Variants in KIAA1549 observed in about 807,000 individuals in gnomAD.
The protein encoded by KIAA1549 is KIAA1549.
KIAA1549 carries 70 observed loss-of-function variants against 156.4 expected under a neutral mutation model. The observed-to-expected ratio is 0.45, with a 90% CI of 0.37 to 0.55. KIAA1549 has a LOEUF of 0.55. Among genes scored for constraint, KIAA1549 ranks in the 20% least tolerant of loss-of-function variants. The pLI is 0.00. For missense variants in KIAA1549, 2,428 were observed against 2,540.9 expected, an observed-to-expected ratio of 0.96 and a Z score of 0.96; for synonymous variants, 1,103 against 1,066.4, an observed-to-expected ratio of 1.03 and a Z score of -0.67.
intron 15 of KIAA1549, among the ~76,000 whole-genome samples, chr7:138,866,709 G>A (rs1281307631): frequency 1.3e-5 from 2 of 152,210 alleles, no homozygotes; most frequent in African/African-American, 2.4e-5. Context: ...CCTACTCAAT[G>A]CAGTCTGTGT....
At chr7:138,923,903 G>C (rs1812636148) in intron 1 of KIAA1549, among the ~76,000 whole-genome samples, 1 of 152,186 alleles carries the variant, frequency 6.6e-6, no homozygotes, top group South Asian at 2.1e-4. Context: ...GCATCTGAAA[G>C]TCACCAACTT....
intron 1 of KIAA1549, among the ~76,000 whole-genome samples, chr7:138,971,474 T>C (rs1206304563): frequency 1.3e-5 from 2 of 152,096 alleles, no homozygotes; most frequent in African/African-American, 4.8e-5. Flanking sequence ...TCTGCCTCCC[T>C]TTCCAACCCC....
At chr7:138,899,716 A>G (rs1012526218) in intron 8 of KIAA1549, among the ~76,000 whole-genome samples, 1 of 152,030 alleles carries the variant, frequency 6.6e-6, no homozygotes. Flanking sequence ...TACAACCAAA[A>G]ACATCCCCAG....
At chr7:138,869,924 G>C (rs187636359) in intron 13 of KIAA1549, among the ~76,000 whole-genome samples, 163 bp from the exon 14 acceptor site, 1 of 152,122 alleles carries the variant, frequency 6.6e-6, no homozygotes, top group Non-Finnish European at 1.5e-5. Context: ...ATCTCAGCTC[G>C]CTGCAACCTC....
intron 18 of KIAA1549, among the ~76,000 whole-genome samples, chr7:138,842,918 G>A (rs570387642): frequency 5.3e-5 from 8 of 152,212 alleles, no homozygotes; most frequent in South Asian, 4.1e-4. Context: ...AAATAATGCC[G>A]TGATAAATAT....
At chr7:138,854,055 G>A (rs1279398384) in intron 16 of KIAA1549, among the ~76,000 whole-genome samples, 1 of 152,062 alleles carries the variant, frequency 6.6e-6, no homozygotes, top group Non-Finnish European at 1.5e-5. Context: ...GGGACTACAT[G>A]CCCTGATGAA....
chr7:138,895,914 C>T (rs1811670935), intron 9 of KIAA1549, among the ~76,000 whole-genome samples: 1 of 152,080 alleles, frequency 6.6e-6, no homozygotes, highest in Non-Finnish European at 1.5e-5. Context: ...TCCACTTTTA[C>T]ACGAAGCATA....
At position 138,832,435 on chromosome 7, in the gene KIAA1549, G is replaced by A; in HGVS notation, c.*5471C>T. The A allele has an allele frequency of 5.2e-6, 1 of 191,872 alleles. No individual in the cohort carries two copies. Among genetic ancestry groups the A allele is most frequent in the Non-Finnish European group, 1.1e-5 (1 of 91,706 alleles). 11.9% of individuals were successfully genotyped at this position (191,872 alleles called of 1,614,324 possible). A position where few individuals can be genotyped will look rare whatever the true frequency, so the allele number is the denominator to read the frequency against. On this transcript the variant is annotated 3_prime_UTR_variant, in exon 20 of 20. Coordinates refer to ENST00000422774, the MANE Select transcript of KIAA1549 (RefSeq NM_001164665.2). ...GGTGGTCTCAAACTCCTGGCCTCAA[G>A]CGATCCTCCTGCCTCAGCCTCCCAA...
intron 1 of KIAA1549, among the ~76,000 whole-genome samples, chr7:138,952,361 T>C (rs572216462): frequency 3.9e-5 from 6 of 152,136 alleles, no homozygotes; most frequent in Non-Finnish European, 5.9e-5. Context: ...ATCAAAGAAA[T>C]CAGGCTAAGG....
intron 16 of KIAA1549, among the ~76,000 whole-genome samples, chr7:138,856,891 G>C (rs972183605): frequency 3.3e-5 from 5 of 152,164 alleles, no homozygotes; most frequent in Admixed American, 6.5e-5. Context: ...GGACAGTAAG[G>C]CAGCCCTCCC....
chr7:138,906,827 C>T, intron 6 of KIAA1549, 92 bp downstream of exon 6: 2 of 1,011,342 alleles, frequency 2.0e-6, no homozygotes. Context: ...AAAATCAAGT[C>T]TTTTAAAAAA....
chr7:138,929,610 G>A (rs575006986), intron 1 of KIAA1549, among the ~76,000 whole-genome samples: 4 of 152,200 alleles, frequency 2.6e-5, no homozygotes, highest in African/African-American at 7.2e-5. Flanking sequence ...TGTTCTTGAC[G>A]TACTTTTCTC....
chr7:138,930,901 G>A (rs1239007000), intron 1 of KIAA1549, among the ~76,000 whole-genome samples: 1 of 152,156 alleles, frequency 6.6e-6, no homozygotes, highest in East Asian at 1.9e-4. Context: ...GGCTTTTGAT[G>A]TGTCTTCCTC....
intron 15 of KIAA1549, among the ~76,000 whole-genome samples, chr7:138,865,679 G>A (rs1033978049): frequency 1.3e-5 from 2 of 152,196 alleles, no homozygotes; most frequent in Non-Finnish European, 2.9e-5. Flanking sequence ...CCCACAGGAG[G>A]AGGAATCCCT....
chr7:138,949,401 G>A (rs866687520), intron 1 of KIAA1549, among the ~76,000 whole-genome samples: 6 of 152,030 alleles, frequency 3.9e-5, no homozygotes, highest in African/African-American at 9.7e-5. Flanking sequence ...GGATAGACCC[G>A]CATATTAGGT....
intron 1 of KIAA1549, among the ~76,000 whole-genome samples, chr7:138,978,362 T>C (rs1563101527): frequency 6.6e-6 from 1 of 152,224 alleles, no homozygotes; most frequent in Non-Finnish European, 1.5e-5. Context: ...AAACTGGGCA[T>C]GATTCTTTGT....
At chr7:138,927,457 G>A (rs1277381536) in intron 1 of KIAA1549, among the ~76,000 whole-genome samples, 1 of 152,216 alleles carries the variant, frequency 6.6e-6, no homozygotes, top group African/African-American at 2.4e-5. Context: ...GGCCAACATA[G>A]TGAAACCCTG....
chr7:138,869,736 G>T lies in KIAA1549; in HGVS notation c.4577C>A (p.Ser1526Tyr). The T allele has an allele frequency of 6.2e-7, 1 of 1,611,314 alleles. No homozygotes were observed. The highest frequency in any genetic ancestry group is 1.1e-5 in the South Asian group (1 of 90,890). The change falls in exon 14 of 20, where the codon TCT (serine) becomes TAT (tyrosine). Residue 1526 changes from serine to tyrosine, a missense_variant. Ser to Tyr is a moderately radical substitution (Grantham distance 144, BLOSUM62 -2). Transcript: ENST00000422774. ...KEIQTALRHK[S>Y]EIEHHRNKIR... ...CTTGTTGCGATGGTGCTCGATCTCAGACTTGTGCCGCAGCGCGGTCTGAAT... is the reference window on the plus strand; with the variant it reads ...CTTGTTGCGATGGTGCTCGATCTCATACTTGTGCCGCAGCGCGGTCTGAAT...
chr7:138,958,158 C>T (rs963156533), intron 1 of KIAA1549, among the ~76,000 whole-genome samples: 2 of 152,312 alleles, frequency 1.3e-5, no homozygotes, highest in African/African-American at 4.8e-5. Context: ...GTATGCTGAG[C>T]ATAAGTGGGC....
Sources: allele counts gnomAD v4.1 joint callset (sites outside exome capture counted in the v4.1 genomes callset), GRCh38; gene constraint gnomAD v4.1.1; transcripts MANE v1.5; gene names NCBI Gene and HGNC (gene_info 2026-07-23, HGNC 2026-07-21).